The following KCNN2 variants were observed in gnomAD, a reference collection of about 807,000 sequenced individuals.
The protein encoded by KCNN2 is small conductance calcium-activated potassium channel protein 2.
KCNN2 carries 24 observed loss-of-function variants against 55.5 expected under a neutral mutation model. The ratio of observed to expected loss-of-function variants is 0.43; its 90% CI spans 0.31 to 0.61. The LOEUF is 0.61. Ranked by LOEUF, KCNN2 falls within the 20% of genes least tolerant of loss-of-function variation. KCNN2 has a pLI of 0.08. For missense variants in KCNN2, 754 were observed against 853.6 expected (o/e 0.88, Z 1.45); for synonymous variants, 431 against 336.1 (o/e 1.28, Z -3.09).
Position 114,127,336 on chromosome 5 carries a change from C to T in KCNN2, c.-271+70836C>T, listed in dbSNP as rs747626198. ...GCCTGAACATGCAGGCGTTTCCGTA[C>T]ATCCTGAGAAATCTAAGTGGAGGTT... is the stretch of plus-strand genomic sequence containing the variant. On this transcript the variant is annotated intron_variant, in intron 1 of 10. Transcript: ENST00000512097. Among the ~76,000 whole-genome samples, 4 of 152,186 alleles carry T rather than the reference C, an allele frequency of 2.6e-5. 1 individual carries two copies. The highest frequency in any genetic ancestry group is 4.8e-5 in the African/African-American group (2 of 41,446).
At chr5:114,198,963 G>T (rs571666862) in intron 1 of KCNN2, among the ~76,000 whole-genome samples, 72 of 152,174 alleles carry the variant, frequency 4.7e-4, no homozygotes, top group African/African-American at 1.5e-3. Context: ...AAAATCCAAT[G>T]TAAGTTCAAT....
At chr5:114,180,647 G>A (rs1451237990) in intron 1 of KCNN2, among the ~76,000 whole-genome samples, 1 of 152,084 alleles carries the variant, frequency 6.6e-6, no homozygotes, top group Non-Finnish European at 1.5e-5. Context: ...GGCATACCTT[G>A]TTTAATTGCC....
intron 3 of KCNN2, among the ~76,000 whole-genome samples, chr5:114,406,771 CCTTT>C (rs1316542300): frequency 6.6e-6 from 1 of 151,978 alleles, no homozygotes; most frequent in Admixed American, 6.6e-5. Context: ...CTCAGTAGCC[CCTTT>C]CTTGAACCCC....
chr5:114,408,963 G>T (rs750227868), intron 3 of KCNN2, among the ~76,000 whole-genome samples: 3 of 152,188 alleles, frequency 2.0e-5, no homozygotes, highest in African/African-American at 4.8e-5. Flanking sequence ...TCATTTCATA[G>T]CAAGAATGAG....
chr5:114,366,570 C>A (rs1014458840), intron 2 of KCNN2, among the ~76,000 whole-genome samples: 1 of 152,114 alleles, frequency 6.6e-6, no homozygotes, highest in African/African-American at 2.4e-5. Flanking sequence ...AAGTCAAGAA[C>A]CAGAAAAAGG....
chr5:114,358,180 G>A (rs996009885), upstream of KCNN2, among the ~76,000 whole-genome samples: 4 of 151,608 alleles, frequency 2.6e-5, no homozygotes, highest in Non-Finnish European at 5.9e-5. Context: ...GGCAACCTAC[G>A]AAATGGGAGA....
chr5:114,129,777 C>G (rs958778100), intron 1 of KCNN2, among the ~76,000 whole-genome samples: 6 of 152,226 alleles, frequency 3.9e-5, no homozygotes, highest in Admixed American at 2.6e-4. Flanking sequence ...TGGAGACCTG[C>G]ATCATAGACT....
At chr5:114,360,161 C>T (rs932365550), upstream of KCNN2, among the ~76,000 whole-genome samples, 2 of 152,130 alleles carry the variant, frequency 1.3e-5, no homozygotes, top group African/African-American at 2.4e-5. Context: ...TCCAGGGCTA[C>T]GGGACTAAAA....
chr5:114,152,101 A>T (rs779133506), intron 1 of KCNN2, among the ~76,000 whole-genome samples: 1 of 152,174 alleles, frequency 6.6e-6, no homozygotes, highest in African/African-American at 2.4e-5. Context: ...GATGTTATGG[A>T]TGAGAATAAG....
intron 1 of KCNN2, among the ~76,000 whole-genome samples, chr5:114,078,790 G>C (rs551409150): frequency 6.6e-6 from 1 of 152,146 alleles, no homozygotes; most frequent in Non-Finnish European, 1.5e-5. Flanking sequence ...TATAGAATTA[G>C]ATCATACTGC....
intron 1 of KCNN2, among the ~76,000 whole-genome samples, chr5:114,155,496 TC>T (rs2112522965): frequency 6.6e-6 from 1 of 152,306 alleles, no homozygotes; most frequent in East Asian, 1.9e-4. Flanking sequence ...TAATTTACAC[TC>T]CCTTCAACAG....
At chr5:114,125,423 TATAAAATGGA>T (rs1475404141) in intron 1 of KCNN2, among the ~76,000 whole-genome samples, 1 of 152,186 alleles carries the variant, frequency 6.6e-6, no homozygotes, top group African/African-American at 2.4e-5. Context: ...GCATCATTGG[TATAAAATGGA>T]ATAAAATGAA....
intron 1 of KCNN2, among the ~76,000 whole-genome samples, chr5:114,154,202 A>G (rs1378749623): frequency 2.0e-5 from 3 of 152,176 alleles, no homozygotes; most frequent in East Asian, 3.9e-4. Context: ...TGAGATGAAA[A>G]CAAGAGACTG....
At chr5:114,171,047 G>T (rs1355008068) in intron 1 of KCNN2, among the ~76,000 whole-genome samples, 3 of 151,942 alleles carry the variant, frequency 2.0e-5, no homozygotes, top group African/African-American at 4.8e-5. Context: ...AGGACTTGTG[G>T]TCTGACTTTT....
intron 2 of KCNN2, among the ~76,000 whole-genome samples, chr5:114,319,010 T>G (rs1269598924): frequency 6.6e-6 from 1 of 152,016 alleles, no homozygotes; most frequent in Non-Finnish European, 1.5e-5. Flanking sequence ...ATTTTATCAT[T>G]CATTCTTCTT....
At chr5:114,327,711 CCTT>C (rs1179425737) in intron 2 of KCNN2, among the ~76,000 whole-genome samples, 6 of 152,178 alleles carry the variant, frequency 3.9e-5, no homozygotes, top group African/African-American at 9.7e-5. Flanking sequence ...TGTGCTTTCT[CCTT>C]CTGTGTTATG....
chr5:114,356,073 G>A (rs560650689), intron 2 of KCNN2, among the ~76,000 whole-genome samples: 25 of 152,180 alleles, frequency 1.6e-4, no homozygotes, highest in South Asian at 1.0e-3. Context: ...AATGAGAGGC[G>A]ACTATATTCT....
chr5:114,263,014 A>C (rs1319033474), intron 2 of KCNN2, among the ~76,000 whole-genome samples: 1 of 152,186 alleles, frequency 6.6e-6, no homozygotes, highest in Non-Finnish European at 1.5e-5. Context: ...AATGAAAAGG[A>C]GAGATTGTGT....
At chr5:114,102,904 T>C (rs1751401500) in intron 1 of KCNN2, among the ~76,000 whole-genome samples, 3 of 152,208 alleles carry the variant, frequency 2.0e-5, no homozygotes, top group Admixed American at 2.0e-4. Context: ...TGCTTATGAT[T>C]GTCTTGGCTA....
Sources: allele counts gnomAD v4.1 joint callset (sites outside exome capture counted in the v4.1 genomes callset), GRCh38; gene constraint gnomAD v4.1.1; transcripts MANE v1.5; gene names NCBI Gene and HGNC (gene_info 2026-07-23, HGNC 2026-07-21).